AGAP3: variants seen among roughly 807,000 people sequenced by gnomAD.
The protein encoded by AGAP3 is arf-GAP with GTPase, ANK repeat and PH domain-containing protein 3.
Under a neutral mutation model 96.9 loss-of-function variants are expected in AGAP3, and 24 were observed. That is an observed-to-expected ratio of 0.25 (90% CI 0.18 to 0.35). The LOEUF (loss-of-function observed/expected upper bound fraction) is 0.35. AGAP3 is among the 10% of genes least tolerant of loss of function. The pLI is 1.00. For synonymous variants in AGAP3, 563 were observed against 536.1 expected, an observed-to-expected ratio of 1.05 and a Z score of -0.69; for missense variants, 876 against 1,254.2, an observed-to-expected ratio of 0.70 and a Z score of 4.55.
intron 10 of AGAP3, among the ~76,000 whole-genome samples, chr7:151,129,820 AG>A (rs1800334920): frequency 6.6e-6 from 1 of 152,166 alleles, no homozygotes; most frequent in South Asian, 2.1e-4. Flanking sequence ...AGGAGGCCAA[AG>A]GGCGCTCTGC....
rs41282739 is a variant in AGAP3 at position 151,118,637 on chromosome 7, G to A, written c.969+5G>A. The A allele has an allele frequency of 1.7e-5, 28 of 1,611,702 alleles. No homozygotes were observed. The highest frequency in any genetic ancestry group is 5.5e-5 in the South Asian group (5 of 91,020). The stretch of plus-strand genomic sequence containing the variant: ...CCGGCCGTGCACATCAACCAGGTTC[G>A]GCCTGTGCCCCGCCCTGCCCTTCCT... On this transcript the variant is annotated splice_donor_5th_base_variant and intron_variant, in intron 7 of 17. Coordinates refer to ENST00000397238, the MANE Select transcript of AGAP3 (RefSeq NM_031946.7). This position sits in a 1 kb window ranked among gnomAD's most constrained non-coding sequence, Gnocchi z 6.1.
chr7:151,142,182 A>G lies in AGAP3; in HGVS notation c.1979A>G (p.Asn660Ser). 1.9e-6 allele frequency: 3 copies of G among 1,613,878 alleles called. No homozygotes were observed. The highest frequency in any genetic ancestry group is 2.5e-6 in the Non-Finnish European group (3 of 1,179,996). Residue 660 changes from asparagine (N) to serine (S), a missense_variant, in exon 15 of 18, where the codon AAC becomes AGC. By Grantham distance (46) the Asn-to-Ser change is conservative (BLOSUM62 1). Coordinates refer to ENST00000397238, the MANE Select transcript of AGAP3 (RefSeq NM_031946.7). The surrounding 1 kb of genome is among the most constrained non-coding windows in gnomAD (Gnocchi z 7.5). ...CGACAGACTCGACTGGGGAACCAGA[A>G]CGCAGCTCTGGCTGTGCAGGCCGTC... ...AKDKTRLGNQ[N>S]AALAVQAVRT... is the part of the protein sequence containing the mutation.
Position 151,139,999 on chromosome 7 carries a change from C to T in AGAP3, c.1687C>T (p.Leu563Phe). ...ACCAGCCAGTGGCCCAGCTGAGGTA[C>T]TCAGTTCCAGCCCCAAGCTGGATCC... is the stretch of plus-strand genomic sequence containing the variant. ...QHPASGPAEV[L>F]SSSPKLDPPP... The change falls in exon 13 of 18, where the codon CTC becomes TTC. Residue 563 changes from leucine to phenylalanine, a missense_variant. Physicochemically the swap from Leu to Phe is conservative, Grantham distance 22. Around this residue, in one of 8 missense-constraint regions of AGAP3, gnomAD observed 155 missense variants for 144.4 expected, o/e 1.07. Coordinates refer to ENST00000397238, the MANE Select transcript of AGAP3 (RefSeq NM_031946.7). This position sits in a 1 kb window ranked among gnomAD's most constrained non-coding sequence, Gnocchi z 4.9. 6.3e-7 allele frequency: 1 copy of T among 1,585,612 alleles called. No individual in the cohort carries two copies. The highest frequency in any genetic ancestry group is 8.6e-7 in the Non-Finnish European group (1 of 1,167,426).
At chr7:151,099,392 A>G (rs995350091) in intron 1 of AGAP3, among the ~76,000 whole-genome samples, 1 of 148,186 alleles carries the variant, frequency 6.7e-6, no homozygotes, top group Non-Finnish European at 1.5e-5. Context: ...GTCACATAAC[A>G]AATACTTCTT....
rs749511695 is a variant in AGAP3 at position 151,117,600 on chromosome 7, C to T, written c.565-36C>T. The T allele has an allele frequency of 1.4e-5, 23 of 1,612,386 alleles. No homozygotes were observed. The South Asian group carries it at 1.9e-4, about 13-fold the overall frequency. ...GCCCTGCATGGGAGTTTGCCAGGTCCAGTTGCGGGTGCTAATTTTACTTGC... is the reference window on the plus strand; with the variant it reads ...GCCCTGCATGGGAGTTTGCCAGGTCTAGTTGCGGGTGCTAATTTTACTTGC... On this transcript the variant is annotated intron_variant, in intron 4 of 17. Transcript: ENST00000397238.
intron 1 of AGAP3, among the ~76,000 whole-genome samples, chr7:151,098,535 C>G (rs1798701480): frequency 6.6e-6 from 1 of 151,942 alleles, no homozygotes; most frequent in Non-Finnish European, 1.5e-5. Flanking sequence ...CGCCTATAGT[C>G]CCAGCTACTC....
chr7:151,095,450 C>T (rs4725389), intron 1 of AGAP3, among the ~76,000 whole-genome samples: 118,078 of 152,012 alleles, frequency 0.78, 45,942 homozygotes, highest in East Asian at 0.98. Context: ...TCCCTTTAGC[C>T]TTTTCAGTTT....
intron 1 of AGAP3, among the ~76,000 whole-genome samples, chr7:151,089,092 C>T (rs1798276394): frequency 6.6e-6 from 1 of 152,106 alleles, no homozygotes; most frequent in East Asian, 1.9e-4. Context: ...CCCAGCCTCT[C>T]CTGGCACCGT....
In AGAP3 at chr7:151,117,355, G is replaced by A. The variant is rs762350944; in HGVS notation, c.479-16G>A. On this transcript the variant is annotated splice_polypyrimidine_tract_variant and intron_variant, in intron 3 of 17. Coordinates refer to ENST00000397238, the MANE Select transcript of AGAP3 (RefSeq NM_031946.7). ...CTTTCTCCACACTTTGGACCTGACT[G>A]CGCGCTCTGTCCTAGGGGGGCGGTT... The A allele has an allele frequency of 6.2e-7, 1 of 1,614,072 alleles. No individual in the cohort carries two copies. The highest frequency in any genetic ancestry group is 8.5e-7 in the Non-Finnish European group (1 of 1,179,908).
intron 1 of AGAP3, among the ~76,000 whole-genome samples, chr7:151,099,716 C>T (rs1798761344): frequency 6.6e-6 from 1 of 152,256 alleles, no homozygotes. Flanking sequence ...CTGCTAGGGG[C>T]TTCCCTCGGG....
intron 8 of AGAP3, chr7:151,120,859 G>T: frequency 8.7e-7 from 1 of 1,150,744 alleles, no homozygotes. Context: ...TCAGGCCCCA[G>T]GGCCTGCTGT....
chr7:151,116,846 A>C lies in AGAP3; in HGVS notation c.385A>C (p.Lys129Gln), dbSNP rs1799610540. 1 of 1,613,948 alleles carries C rather than the reference A, an allele frequency of 6.2e-7. No homozygotes were observed. Among genetic ancestry groups the C allele is most frequent in the African/African-American group, 1.3e-5 (1 of 74,900 alleles). ...GCTGAGCCGCTCCGTACCGGAGCTT[A>C]AAGTGGTGAGTGTGGCCCATGGGCA... ...WTLSRSVPEL[K>Q]VGIVGNLSSG... Residue 129 changes from lysine to glutamine, a missense_variant, in exon 2 of 18, where the codon AAA becomes CAA. By Grantham distance (53) the Lys-to-Gln change is moderately conservative (BLOSUM62 1). Coordinates refer to ENST00000397238, the MANE Select transcript of AGAP3 (RefSeq NM_031946.7).
rs1175660448 is a variant in AGAP3, at chr7:151,133,646, C to T, written c.1327-754C>T. ...TACCATTTAATCGTGTGTTCCTGGG[C>T]AGATAAGCCTTTCTAAGCCTCAGTT... On this transcript the variant is annotated intron_variant, in intron 10 of 17. Coordinates refer to ENST00000397238, the MANE Select transcript of AGAP3 (RefSeq NM_031946.7). The surrounding 1 kb of genome is among the most constrained non-coding windows in gnomAD (Gnocchi z 5.4). Among the ~76,000 whole-genome samples the T allele has an allele frequency of 6.6e-6, 1 of 152,174 alleles. No homozygotes were observed. The highest frequency in any genetic ancestry group is 2.4e-5 in the African/African-American group (1 of 41,440).
intron 1 of AGAP3, among the ~76,000 whole-genome samples, chr7:151,093,928 T>C (rs898258664): frequency 1.3e-5 from 2 of 152,180 alleles, no homozygotes; most frequent in Non-Finnish European, 2.9e-5. Context: ...CTTGGCTCCC[T>C]GGCCGGGGGT....
At chr7:151,137,303 G>C (rs1563522000) in intron 11 of AGAP3, among the ~76,000 whole-genome samples, 1 of 152,230 alleles carries the variant, frequency 6.6e-6, no homozygotes. Context: ...AGCACCTGGC[G>C]GGCTCCTCCG....
In AGAP3 at chr7:151,143,984, C is replaced by A; in HGVS notation, c.*41C>A. The A allele has an allele frequency of 6.4e-7, 1 of 1,573,536 alleles. No individual in the cohort carries two copies. The highest frequency in any genetic ancestry group is 8.7e-7 in the Non-Finnish European group (1 of 1,146,964). Reference sequence around the variant, plus strand: ...CAGAGGGGCCAGAAGGACTCCATGGCCCAAAGACCCTCCTCCCTGCAGGCA... The same window carrying A: ...CAGAGGGGCCAGAAGGACTCCATGGACCAAAGACCCTCCTCCCTGCAGGCA... On this transcript the variant is annotated 3_prime_UTR_variant, in exon 18 of 18. Coordinates refer to ENST00000397238, the MANE Select transcript of AGAP3 (RefSeq NM_031946.7). The surrounding 1 kb of genome is among the most constrained non-coding windows in gnomAD (Gnocchi z 5.9).
In AGAP3 at chr7:151,120,159, C is replaced by T. The variant is rs1226990547; in HGVS notation, c.1128+14C>T. 6.3e-7 allele frequency: 1 copy of T among 1,581,170 alleles called. No individual in the cohort carries two copies. Among genetic ancestry groups the T allele is most frequent in the Non-Finnish European group, 8.6e-7 (1 of 1,159,344 alleles). Reference sequence around the variant, plus strand: ...AACATCTTCACGGTACGTGACTGCCCTCCTCCCCCGCCCAGCTGCCTTTGC... The same window carrying T: ...AACATCTTCACGGTACGTGACTGCCTTCCTCCCCCGCCCAGCTGCCTTTGC... On this transcript the variant is annotated intron_variant, in intron 8 of 17. Transcript: ENST00000397238.
In AGAP3 at chr7:151,139,916, C is replaced by T; in HGVS notation, c.1667-63C>T. The T allele has an allele frequency of 7.1e-7, 1 of 1,414,008 alleles. No homozygotes were observed. Among genetic ancestry groups the T allele is most frequent in the South Asian group, 1.6e-5 (1 of 63,834 alleles). The allele number at this position is 1,414,008 out of a possible 1,614,324, so 87.6% of individuals were successfully genotyped here. On this transcript the variant is annotated intron_variant, in intron 12 of 17. Transcript: ENST00000397238. This position sits in a 1 kb window ranked among gnomAD's most constrained non-coding sequence, Gnocchi z 4.9. ...ACTGGTCCTCTCCTCCTCCCAGTGC[C>T]CTGCGCCCCTCCCCTCCTCTGCCTC... is the stretch of plus-strand genomic sequence containing the variant.
chr7:151,122,320 T>A (rs568564964), intron 8 of AGAP3, among the ~76,000 whole-genome samples: 51 of 151,848 alleles, frequency 3.4e-4, no homozygotes, highest in African/African-American at 1.2e-3. Context: ...CGGTTCTCCT[T>A]GTTCCCTCTG....
Sources: gnomAD v4.1 joint callset for allele counts (sites outside exome capture counted in the v4.1 genomes callset) on GRCh38, gnomAD v4.1.1 for gene constraint, gnomAD v4.1.1 regional missense constraint, Gnocchi (gnomAD v3.1) non-coding constraint, MANE v1.5 for transcripts, NCBI Gene and HGNC (gene_info 2026-07-23, HGNC 2026-07-21) for gene names.